GRIN2A: variants seen among roughly 807,000 people sequenced by gnomAD.
GRIN2A encodes the protein glutamate receptor ionotropic, NMDA 2A.
A neutral mutation model predicts 113.4 loss-of-function variants in GRIN2A; 22 were observed. That is an observed-to-expected ratio of 0.19 (90% CI 0.14 to 0.28). GRIN2A has a LOEUF of 0.28. Among genes scored for constraint, GRIN2A ranks in the 10% least tolerant of loss-of-function variants. The probability of loss-of-function intolerance (pLI) is 1.00; values close to 1 mark genes in which losing one functional copy is unlikely to be tolerated. For synonymous variants in GRIN2A, 827 were observed against 738.4 expected (o/e 1.12, Z -1.94); for missense variants, 1,502 against 1,887.0 (o/e 0.80, Z 3.78).
At chr16:10,070,186 C>T (rs376594354) in intron 2 of GRIN2A, among the ~76,000 whole-genome samples, 3 of 152,158 alleles carry the variant, frequency 2.0e-5, no homozygotes, top group South Asian at 4.1e-4. Flanking sequence ...CATGGGTCCC[C>T]GAGATGCCAG....
intron 2 of GRIN2A, among the ~76,000 whole-genome samples, chr16:10,068,434 G>C (rs1477159517): frequency 6.6e-6 from 1 of 152,200 alleles, no homozygotes; most frequent in Non-Finnish European, 1.5e-5. Context: ...GGGGGAGCAG[G>C]CACATCACAT....
At chr16:9,867,843 T>G (rs931168670) in intron 4 of GRIN2A, among the ~76,000 whole-genome samples, 9 of 152,124 alleles carry the variant, frequency 5.9e-5, no homozygotes, top group Non-Finnish European at 1.3e-4. Context: ...CGGCCTCTTC[T>G]GCTCCACAGT....
At position 9,763,385 on chromosome 16, in the gene GRIN2A, A is replaced by T. The variant is rs78444267; in HGVS notation, c.4159T>A (p.Tyr1387Asn). ...LVIGRCPSDP[Y>N]KHSLPSQAVN... ...GCCTGGGATGGCAACGAGTGTTTGT[A>T]AGGGTCCGAGGGGCATCTCCCAATA... The change falls in exon 13 of 13, where the codon TAC becomes AAC. Residue 1387 changes from tyrosine to asparagine, a missense_variant. Tyr to Asn is a moderately radical substitution (Grantham distance 143). This residue lies in a region of GRIN2A where 832 missense variants were observed against 789.7 expected (regional missense o/e 1.05). Transcript: ENST00000330684. 12 of 1,614,110 alleles carry T rather than the reference A, an allele frequency of 7.4e-6. No homozygotes were observed. Among genetic ancestry groups the T allele is most frequent in the Non-Finnish European group, 1.0e-5 (12 of 1,180,008 alleles).
intron 5 of GRIN2A, 146 bp from the exon 6 acceptor site, chr16:9,841,250 A>C (rs935049486): frequency 4.8e-5 from 35 of 722,926 alleles, no homozygotes; most frequent in Non-Finnish European, 8.0e-5. Context: ...CTGTGAGTAC[A>C]TGACAGCAAA....
intron 2 of GRIN2A, among the ~76,000 whole-genome samples, chr16:10,090,774 T>C (rs2048170262): frequency 6.6e-6 from 1 of 152,058 alleles, no homozygotes; most frequent in African/African-American, 2.4e-5. Flanking sequence ...GAGAAAACAT[T>C]TGCAAATCAT....
At chr16:10,036,463 T>C (rs2047030824) in intron 2 of GRIN2A, among the ~76,000 whole-genome samples, 2 of 123,568 alleles carry the variant, frequency 1.6e-5, no homozygotes, top group African/African-American at 3.1e-5. Context: ...TTTTTTTTTT[T>C]TTTTTTTTTT....
chr16:10,064,255 C>T (rs1431280394), intron 2 of GRIN2A, among the ~76,000 whole-genome samples: 1 of 152,182 alleles, frequency 6.6e-6, no homozygotes, highest in Non-Finnish European at 1.5e-5. Flanking sequence ...CAGCAACATG[C>T]AGGGGCCCTG....
At chr16:10,053,382 A>C (rs2141990210) in intron 2 of GRIN2A, among the ~76,000 whole-genome samples, 1 of 152,344 alleles carries the variant, frequency 6.6e-6, no homozygotes, top group Non-Finnish European at 1.5e-5. Context: ...TCTTCACAAC[A>C]ACCCTCTATG....
intron 10 of GRIN2A, among the ~76,000 whole-genome samples, chr16:9,813,342 G>A (rs1272649308): frequency 6.6e-6 from 1 of 152,102 alleles, no homozygotes; most frequent in Admixed American, 6.6e-5. Context: ...ATACAAGAAT[G>A]AAATGCAGGA....
At chr16:9,910,271 A>T (rs1358248341) in intron 3 of GRIN2A, among the ~76,000 whole-genome samples, 1 of 152,172 alleles carries the variant, frequency 6.6e-6, no homozygotes, top group Non-Finnish European at 1.5e-5. Flanking sequence ...TGGTTCTGAA[A>T]CTAGATAGTG....
chr16:10,073,922 A>C (rs1243925041), intron 2 of GRIN2A, among the ~76,000 whole-genome samples: 2 of 150,764 alleles, frequency 1.3e-5, no homozygotes, highest in South Asian at 2.1e-4. Context: ...CCCCGTCACA[A>C]AAAAAAAAAA....
At chr16:10,138,440 G>T (rs563701124) in intron 2 of GRIN2A, among the ~76,000 whole-genome samples, 1 of 152,122 alleles carries the variant, frequency 6.6e-6, no homozygotes, top group Non-Finnish European at 1.5e-5. Flanking sequence ...CTCACACAGC[G>T]GAAGGATGGG....
At chr16:9,994,411 G>A (rs2046183744) in intron 2 of GRIN2A, among the ~76,000 whole-genome samples, 1 of 152,142 alleles carries the variant, frequency 6.6e-6, no homozygotes, top group Non-Finnish European at 1.5e-5. Context: ...TCGTCCCCAG[G>A]TGGGAGGTGA....
chr16:9,929,654 G>A (rs1239027882), intron 3 of GRIN2A, among the ~76,000 whole-genome samples: 1 of 152,134 alleles, frequency 6.6e-6, no homozygotes, highest in Non-Finnish European at 1.5e-5. Flanking sequence ...CAGAGTAATA[G>A]AGATGGGGCT....
chr16:10,024,413 T>A (rs928367059), intron 2 of GRIN2A, among the ~76,000 whole-genome samples: 2 of 152,170 alleles, frequency 1.3e-5, no homozygotes, highest in Non-Finnish European at 2.9e-5. Flanking sequence ...AGAGATGGGG[T>A]TTCACCATGT....
At chr16:9,990,555 GCGCGCGCGCA>G (rs1355427886) in intron 2 of GRIN2A, among the ~76,000 whole-genome samples, 10 of 106,526 alleles carry the variant, frequency 9.4e-5, no homozygotes, top group East Asian at 3.1e-4. Context: ...ACGCGCGCGC[GCGCGCGCGCA>G]CACACACACA....
At chr16:10,102,470 C>T (rs750723906) in intron 2 of GRIN2A, among the ~76,000 whole-genome samples, 116 of 152,208 alleles carry the variant, frequency 7.6e-4, no homozygotes, top group Non-Finnish European at 1.3e-3. Flanking sequence ...CCTGCAGAAC[C>T]GTGAGCCAAT....
intron 2 of GRIN2A, among the ~76,000 whole-genome samples, chr16:10,083,096 A>G (rs544529931): frequency 2.6e-4 from 39 of 152,332 alleles, no homozygotes; most frequent in African/African-American, 8.7e-4. Flanking sequence ...AAAAAATAAA[A>G]AATTTTCAAA....
At chr16:10,008,566 T>C (rs1415415507) in intron 2 of GRIN2A, among the ~76,000 whole-genome samples, 3 of 152,196 alleles carry the variant, frequency 2.0e-5, no homozygotes, top group South Asian at 2.1e-4. Context: ...AACTAGGCAA[T>C]GTTTACCCAA....
Sources: allele counts gnomAD v4.1 joint callset (sites outside exome capture counted in the v4.1 genomes callset), GRCh38; gene constraint gnomAD v4.1.1; regional missense constraint gnomAD v4.1.1; transcripts MANE v1.5; gene names NCBI Gene and HGNC (gene_info 2026-07-23, HGNC 2026-07-21).